The following NSMCE2 variants were observed in gnomAD, a reference collection of about 807,000 sequenced individuals.
NSMCE2 encodes NSE2 SUMO ligase component of SMC5/6 complex, also known as E3 SUMO-protein ligase NSE2.
A neutral mutation model predicts 23.8 loss-of-function variants in NSMCE2; 24 were observed. The observed-to-expected ratio is 1.01, with a 90% confidence interval of 0.73 to 1.42. NSMCE2 has a LOEUF of 1.42. Among genes scored for constraint, NSMCE2 ranks in the 40% most tolerant of loss-of-function variants. NSMCE2 has a pLI of 0.00. For synonymous variants in NSMCE2, 92 were observed against 94.1 expected (o/e 0.98, Z 0.13); for missense variants, 284 against 296.5 (o/e 0.96, Z 0.31).
chr8:125,274,785 C>A (rs1049048881), intron 5 of NSMCE2, among the ~76,000 whole-genome samples: 1 of 151,858 alleles, frequency 6.6e-6, no homozygotes, highest in Non-Finnish European at 1.5e-5. Context: ...CAAAAATTAG[C>A]CAGGCATGGT....
chr8:125,350,091 A>G (rs1055054685), intron 5 of NSMCE2, among the ~76,000 whole-genome samples: 11 of 152,176 alleles, frequency 7.2e-5, no homozygotes, highest in African/African-American at 1.4e-4. Context: ...GCCAGGGACT[A>G]TTTTAGACTC....
intron 3 of NSMCE2, among the ~76,000 whole-genome samples, chr8:125,121,362 C>T (rs999913394): frequency 6.6e-6 from 1 of 152,116 alleles, no homozygotes; most frequent in African/African-American, 2.4e-5. Context: ...CTTTATTGTA[C>T]AATACTGATT....
intron 3 of NSMCE2, among the ~76,000 whole-genome samples, chr8:125,111,260 C>T (rs1818732678): frequency 6.6e-6 from 1 of 152,156 alleles, no homozygotes. Flanking sequence ...ATTTACTGCC[C>T]TCATGAATAA....
chr8:125,359,554 A>C (rs1265576214), intron 7 of NSMCE2, among the ~76,000 whole-genome samples: 2 of 151,912 alleles, frequency 1.3e-5, no homozygotes, highest in East Asian at 1.9e-4. Flanking sequence ...GCTGGTCTCA[A>C]ACTCCCGAGC....
chr8:125,215,769 C>G (rs557730915), intron 5 of NSMCE2, among the ~76,000 whole-genome samples: 2 of 152,268 alleles, frequency 1.3e-5, no homozygotes, highest in African/African-American at 4.8e-5. Flanking sequence ...CCAGTTTTCC[C>G]AGCACCATTT....
In NSMCE2 at chr8:125,367,090, A is replaced by G. The variant is rs983291551; in HGVS notation, c.*205A>G. Reference sequence around the variant, plus strand: ...CATATTGTTTATTTTTAAGTGTTCTATAATGTTAAATAAAACTTTGATCAT... The same window carrying G: ...CATATTGTTTATTTTTAAGTGTTCTGTAATGTTAAATAAAACTTTGATCAT... On this transcript the variant is annotated 3_prime_UTR_variant, in exon 8 of 8. Transcript: ENST00000287437. 1 of 489,812 alleles carries G rather than the reference A, an allele frequency of 2.0e-6. No individual in the cohort carries two copies. The highest frequency in any genetic ancestry group is 3.3e-5 in the South Asian group (1 of 30,578). 30.3% of individuals were successfully genotyped at this position (489,812 alleles called of 1,614,324 possible).
At chr8:125,250,795 C>T (rs913983325) in intron 5 of NSMCE2, among the ~76,000 whole-genome samples, 1 of 152,052 alleles carries the variant, frequency 6.6e-6, no homozygotes, top group African/African-American at 2.4e-5. Context: ...GGATAACAAG[C>T]GTGAGCCACC....
At chr8:125,331,075 G>A (rs1303392813) in intron 5 of NSMCE2, among the ~76,000 whole-genome samples, 1 of 152,208 alleles carries the variant, frequency 6.6e-6, no homozygotes, top group East Asian at 1.9e-4. Context: ...GCTGAGGCAG[G>A]CGGATCACGA....
At chr8:125,094,913 G>A (rs762433835) in intron 1 of NSMCE2, among the ~76,000 whole-genome samples, 12 of 152,168 alleles carry the variant, frequency 7.9e-5, no homozygotes, top group Non-Finnish European at 1.6e-4. Context: ...GAGTGCAGTG[G>A]CGTGATCATG....
intron 5 of NSMCE2, among the ~76,000 whole-genome samples, chr8:125,239,608 CA>C (rs71295823): frequency 0.37 from 35,503 of 95,902 alleles, 3,916 homozygotes; most frequent in East Asian, 0.46. Flanking sequence ...GACTCTGTCT[CA>C]AAAAAAAAAA....
chr8:125,139,555 G>A (rs1820247765), intron 3 of NSMCE2, among the ~76,000 whole-genome samples: 2 of 152,134 alleles, frequency 1.3e-5, no homozygotes, highest in Admixed American at 1.3e-4. Context: ...GTCATGTCTT[G>A]CATGGTGTCA....
chr8:125,333,975 A>C (rs1829982218), intron 5 of NSMCE2, among the ~76,000 whole-genome samples: 1 of 152,058 alleles, frequency 6.6e-6, no homozygotes, highest in South Asian at 2.1e-4. Context: ...CCTCACAGTC[A>C]GTGCAGGTTT....
At chr8:125,282,208 G>A (rs1019780089) in intron 5 of NSMCE2, among the ~76,000 whole-genome samples, 1 of 151,888 alleles carries the variant, frequency 6.6e-6, no homozygotes, top group Non-Finnish European at 1.5e-5. Flanking sequence ...CCCCCACCCA[G>A]GTTTAAGCGA....
chr8:125,212,093 A>T (rs1219537196), intron 5 of NSMCE2, among the ~76,000 whole-genome samples: 1 of 152,156 alleles, frequency 6.6e-6, no homozygotes, highest in Non-Finnish European at 1.5e-5. Flanking sequence ...TTGCTTCCTA[A>T]ATATTTTTTA....
intron 5 of NSMCE2, among the ~76,000 whole-genome samples, chr8:125,227,449 C>G (rs990391037): frequency 2.0e-5 from 3 of 152,214 alleles, no homozygotes; most frequent in Admixed American, 6.5e-5. Context: ...TGCTGCCTTA[C>G]CGAATAACGA....
chr8:125,107,383 G>A (rs1818516144), intron 3 of NSMCE2, among the ~76,000 whole-genome samples: 1 of 151,786 alleles, frequency 6.6e-6, no homozygotes, highest in African/African-American at 2.4e-5. Context: ...TAGTGGAGAC[G>A]GGGTTTCACC....
chr8:125,245,854 C>T (rs1825941790), intron 5 of NSMCE2, among the ~76,000 whole-genome samples: 2 of 152,100 alleles, frequency 1.3e-5, no homozygotes, highest in South Asian at 4.2e-4. Context: ...GGTGAAACCT[C>T]GTCTCTACTA....
intron 5 of NSMCE2, among the ~76,000 whole-genome samples, chr8:125,309,949 T>G (rs530727043): frequency 2.6e-5 from 4 of 152,210 alleles, no homozygotes; most frequent in Non-Finnish European, 5.9e-5. Flanking sequence ...GTTAAAGCTC[T>G]GCTGTGAGAA....
At chr8:125,177,654 T>C (rs1822563890) in intron 4 of NSMCE2, among the ~76,000 whole-genome samples, 1 of 152,226 alleles carries the variant, frequency 6.6e-6, no homozygotes, top group Non-Finnish European at 1.5e-5. Context: ...GTGTGCAGAA[T>C]GCCTTATAAT....
Sources: gnomAD v4.1 joint callset for allele counts (sites outside exome capture counted in the v4.1 genomes callset) on GRCh38, gnomAD v4.1.1 for gene constraint, MANE v1.5 for transcripts, NCBI Gene and HGNC (gene_info 2026-07-23, HGNC 2026-07-21) for gene names.